Variants in MTMR9 observed in about 807,000 individuals in gnomAD.
The protein encoded by MTMR9 is myotubularin related protein 9.
In MTMR9, 39 loss-of-function variants were observed where a neutral mutation model predicts 69.5. The observed-to-expected ratio is 0.56, with a 90% CI of 0.43 to 0.73. The LOEUF (loss-of-function observed/expected upper bound fraction) is 0.73. Ranked by LOEUF, MTMR9 falls within the 30% of genes least tolerant of loss-of-function variation. The pLI is 0.00. For synonymous variants in MTMR9, 354 were observed against 240.8 expected (o/e 1.47, Z -4.35); for missense variants, 900 against 671.2 (o/e 1.34, Z -3.77).
intron 2 of MTMR9, among the ~76,000 whole-genome samples, chr8:11,295,864 G>T (rs879900034): frequency 9.2e-5 from 14 of 152,130 alleles, no homozygotes; most frequent in East Asian, 5.8e-4. Context: ...GGACTGGGGG[G>T]ACCTAGAAGC....
At chr8:11,285,170 G>C (rs1208986432) in intron 1 of MTMR9, 100 bp downstream of exon 1, 4 of 1,247,080 alleles carry the variant, frequency 3.2e-6, no homozygotes, top group East Asian at 2.6e-5. Context: ...CTGCCGCCCA[G>C]CTAGCCGGCA....
chr8:11,332,319 G>A, downstream of MTMR9: 2 of 1,004,042 alleles, frequency 2.0e-6, no homozygotes, highest in Admixed American at 7.1e-5. Context: ...AAACAAATGA[G>A]AAATCTGGCT....
chr8:11,314,032 T>A (rs1334352188), intron 6 of MTMR9, among the ~76,000 whole-genome samples: 1 of 152,190 alleles, frequency 6.6e-6, no homozygotes, highest in Non-Finnish European at 1.5e-5. Context: ...ATTATCCTAG[T>A]TCTGAAGATG....
chr8:11,316,874 G>A lies in MTMR9; in HGVS notation c.1315G>A (p.Gly439Ser). ...AYASQFGTFL[G>S]NNESERCKLK... ...TGCCTCACAGTTTGGAACATTTCTGGGCAACAATGAAAGTGAAAGGTGAGT... is the reference window on the plus strand; with the variant it reads ...TGCCTCACAGTTTGGAACATTTCTGAGCAACAATGAAAGTGAAAGGTGAGT... Residue 439 changes from glycine (G) to serine (S), a missense_variant, in exon 8 of 10, where the codon GGC becomes AGC. Gly to Ser is a moderately conservative substitution (Grantham distance 56). Transcript: ENST00000221086. The A allele has an allele frequency of 6.2e-7, 1 of 1,602,914 alleles. No homozygotes were observed. Among genetic ancestry groups the A allele is most frequent in the Non-Finnish European group, 8.5e-7 (1 of 1,175,064 alleles).
the MTMR9 span, among the ~76,000 whole-genome samples, chr8:11,338,570 A>T: frequency 3.9e-5 from 6 of 152,292 alleles, no homozygotes; most frequent in African/African-American, 1.4e-4. Context: ...GACCAGGGGA[A>T]CCTTTTCCAC....
At chr8:11,305,146 C>A in intron 4 of MTMR9, 132 bp downstream of exon 4, 1 of 826,396 alleles carries the variant, frequency 1.2e-6, no homozygotes, top group Non-Finnish European at 1.9e-6. Flanking sequence ...GGGCTTCCTT[C>A]ATGTAAGCTT....
chr8:11,306,478 G>GA, intron 5 of MTMR9, 71 bp downstream of exon 5: 1 of 1,352,876 alleles, frequency 7.4e-7, no homozygotes, highest in African/African-American at 1.5e-5. Context: ...TTAGCCATTT[G>GA]AAAATCACAA....
At chr8:11,319,877 G>T (rs777368556) in intron 9 of MTMR9, 39 bp downstream of exon 9, 21 of 1,607,398 alleles carry the variant, frequency 1.3e-5, no homozygotes, top group Non-Finnish European at 1.7e-5. Flanking sequence ...TAACGGTCAG[G>T]TGTGCATGCG....
downstream of MTMR9, among the ~76,000 whole-genome samples, chr8:11,329,382 T>C (rs1012062538): frequency 1.3e-5 from 2 of 152,224 alleles, no homozygotes; most frequent in African/African-American, 4.8e-5. Context: ...TGGACTGTAC[T>C]GCTGCCATCT....
At chr8:11,307,331 CAA>C (rs34919540) in intron 5 of MTMR9, among the ~76,000 whole-genome samples, 1 of 152,184 alleles carries the variant, frequency 6.6e-6, no homozygotes, top group East Asian at 1.9e-4. Flanking sequence ...CTCGGCCCCT[CAA>C]AGTGTTGAAA....
intron 1 of MTMR9, among the ~76,000 whole-genome samples, chr8:11,288,142 AATT>A (rs1799248291): frequency 1.5e-5 from 2 of 133,568 alleles, no homozygotes; most frequent in Non-Finnish European, 3.1e-5. Flanking sequence ...ATATTCACCT[AATT>A]ATTCAGCGAA....
chr8:11,334,827 T>C, the MTMR9 span, among the ~76,000 whole-genome samples: 1 of 152,150 alleles, frequency 6.6e-6, no homozygotes, highest in African/African-American at 2.4e-5. Context: ...ATCAACAGAC[T>C]AAAGAAGAAA....
intron 8 of MTMR9, chr8:11,317,672 C>G (rs1461396488): frequency 6.6e-6 from 1 of 152,430 alleles, no homozygotes; most frequent in African/African-American, 2.4e-5. Context: ...TCCTCCTGCT[C>G]CAGACTTTGT....
chr8:11,328,622 A>C (rs540475067), downstream of MTMR9, among the ~76,000 whole-genome samples: 1 of 152,228 alleles, frequency 6.6e-6, no homozygotes, highest in Non-Finnish European at 1.5e-5. Context: ...ATATTATTAC[A>C]GTAATCATTG....
intron 9 of MTMR9, chr8:11,321,585 G>A (rs938137844): frequency 2.2e-6 from 1 of 447,898 alleles, no homozygotes; most frequent in South Asian, 1.6e-5. Flanking sequence ...TGTGTTTCAT[G>A]CTCCTCAACC....
chr8:11,300,215 T>C (rs974990193), intron 3 of MTMR9, 67 bp downstream of exon 3: 8 of 1,552,878 alleles, frequency 5.2e-6, no homozygotes, highest in Non-Finnish European at 7.1e-6. Context: ...CTTGTGAAAA[T>C]GATCACTTCT....
intron 2 of MTMR9, among the ~76,000 whole-genome samples, chr8:11,297,577 T>C (rs1190601801): frequency 1.3e-5 from 2 of 151,968 alleles, no homozygotes; most frequent in African/African-American, 4.8e-5. Context: ...CTGACCAGTC[T>C]TCGTTTTTCT....
At chr8:11,316,955 GCCAGAATCT>G in intron 8 of MTMR9, 62 bp downstream of exon 8, 1 of 1,132,542 alleles carries the variant, frequency 8.8e-7, no homozygotes, top group South Asian at 1.7e-5. Flanking sequence ...TTCCTAAGTA[GCCAGAATCT>G]CCTAGGAGAC....
intron 5 of MTMR9, among the ~76,000 whole-genome samples, chr8:11,307,473 G>C (rs1423623324): frequency 6.6e-6 from 1 of 152,108 alleles, no homozygotes; most frequent in Admixed American, 6.5e-5. Flanking sequence ...TCCATATCTT[G>C]ACTATTGTGA....
Sources: allele counts gnomAD v4.1 joint callset (sites outside exome capture counted in the v4.1 genomes callset), GRCh38; gene constraint gnomAD v4.1.1; transcripts MANE v1.5; gene names NCBI Gene and HGNC (gene_info 2026-07-23, HGNC 2026-07-21).